The following NFX1 variants were observed in gnomAD, a reference collection of about 807,000 sequenced individuals.
The protein encoded by NFX1 is nuclear transcription factor, X-box binding 1.
NFX1 carries 69 observed loss-of-function variants against 137.2 expected under a neutral mutation model. That is an observed-to-expected ratio of 0.50 (90% CI 0.41 to 0.61). NFX1 has a LOEUF of 0.61. Ranked by LOEUF, NFX1 falls within the 20% of genes least tolerant of loss-of-function variation. The probability of loss-of-function intolerance (pLI) is 0.00; values close to 1 mark genes in which losing one functional copy is unlikely to be tolerated. For missense variants in NFX1, 1,167 were observed against 1,391.0 expected (o/e 0.84, Z 2.56); for synonymous variants, 495 against 474.1 (o/e 1.04, Z -0.57).
In NFX1 at chr9:33,344,200, C is replaced by T. The variant is rs745970544; in HGVS notation, c.2344+12C>T. On this transcript the variant is annotated intron_variant, in intron 14 of 23. Transcript: ENST00000379540. ...GTGTGACCATCCAGGTGAGTACCAA[C>T]TTGTCTTCACACTTCAGCCTGCTCA... 43 of 1,613,326 alleles carry T rather than the reference C, an allele frequency of 2.7e-5. No homozygotes were observed. In the South Asian group the frequency reaches 4.7e-4, roughly 18 times the overall value.
chr9:33,326,477 A>G (rs560744472), intron 9 of NFX1, among the ~76,000 whole-genome samples: 2 of 151,338 alleles, frequency 1.3e-5, no homozygotes, highest in Admixed American at 1.3e-4. Context: ...CCAGCTACTC[A>G]GGAGGCTGAG....
chr9:33,326,723 A>G (rs1205259049), intron 9 of NFX1, among the ~76,000 whole-genome samples: 2 of 152,194 alleles, frequency 1.3e-5, no homozygotes, highest in Non-Finnish European at 2.9e-5. Context: ...CTGTCTCCAA[A>G]AATTAATAAA....
intron 4 of NFX1, among the ~76,000 whole-genome samples, chr9:33,305,238 G>C (rs1821711190): frequency 6.6e-6 from 1 of 152,236 alleles, no homozygotes; most frequent in Non-Finnish European, 1.5e-5. Flanking sequence ...CTTTGGGGTA[G>C]TTACGACTTA....
chr9:33,315,446 C>G (rs550060554), intron 7 of NFX1, among the ~76,000 whole-genome samples: 1 of 152,270 alleles, frequency 6.6e-6, no homozygotes, highest in African/African-American at 2.4e-5. Context: ...AATATACTCT[C>G]TCCTTCGTCT....
intron 4 of NFX1, among the ~76,000 whole-genome samples, chr9:33,304,896 G>T (rs1425464414): frequency 6.6e-6 from 1 of 152,122 alleles, no homozygotes; most frequent in Non-Finnish European, 1.5e-5. Flanking sequence ...GTACCACAAT[G>T]GAATTAAAAA....
intron 11 of NFX1, among the ~76,000 whole-genome samples, chr9:33,333,650 G>A (rs114863466): frequency 0.021 from 3,204 of 152,250 alleles, 130 homozygotes; most frequent in African/African-American, 0.073. Context: ...AATTACCATG[G>A]TGGGTAAAGG....
intron 19 of NFX1, among the ~76,000 whole-genome samples, chr9:33,356,574 C>T (rs967484656): frequency 6.6e-6 from 1 of 152,012 alleles, no homozygotes; most frequent in Non-Finnish European, 1.5e-5. Context: ...AAAAATTTGT[C>T]TATCCTGAGG....
chr9:33,312,687 A>G (rs746694318), intron 6 of NFX1, among the ~76,000 whole-genome samples: 3 of 152,202 alleles, frequency 2.0e-5, no homozygotes, highest in African/African-American at 7.2e-5. Flanking sequence ...GTGGGCCAAC[A>G]TGGTGAAACC....
At position 33,344,196 on chromosome 9, in the gene NFX1, C is replaced by T. The variant is rs147861913; in HGVS notation, c.2344+8C>T. 5 of 1,613,588 alleles carry T rather than the reference C, an allele frequency of 3.1e-6. No individual in the cohort carries two copies. In the African/African-American group the frequency reaches 4.0e-5, roughly 13 times the overall value. ...ATGAGTGTGACCATCCAGGTGAGTACCAACTTGTCTTCACACTTCAGCCTG... is the reference window on the plus strand; with the variant it reads ...ATGAGTGTGACCATCCAGGTGAGTATCAACTTGTCTTCACACTTCAGCCTG... On this transcript the variant is annotated splice_region_variant and intron_variant, in intron 14 of 23. Transcript: ENST00000379540.
intron 17 of NFX1, among the ~76,000 whole-genome samples, chr9:33,353,478 T>C (rs1823712772): frequency 6.6e-6 from 1 of 152,058 alleles, no homozygotes; most frequent in Non-Finnish European, 1.5e-5. Flanking sequence ...TATAGGACTT[T>C]AAGAGGATGC....
At chr9:33,298,776 C>A (rs1248535647) in intron 2 of NFX1, among the ~76,000 whole-genome samples, 1 of 151,504 alleles carries the variant, frequency 6.6e-6, no homozygotes, top group Non-Finnish European at 1.5e-5. Flanking sequence ...AGAATAAGAA[C>A]CTGTCTCAAA....
intron 9 of NFX1, among the ~76,000 whole-genome samples, chr9:33,323,586 C>T (rs1191143891): frequency 6.6e-6 from 1 of 151,948 alleles, no homozygotes; most frequent in Non-Finnish European, 1.5e-5. Flanking sequence ...AACCCCATCT[C>T]TACTAAAAAT....
chr9:33,305,094 G>A (rs1821705319), intron 4 of NFX1, among the ~76,000 whole-genome samples: 1 of 152,206 alleles, frequency 6.6e-6, no homozygotes, highest in Admixed American at 6.5e-5. Context: ...TTTTTATTGA[G>A]AACTTATTAA....
At chr9:33,352,598 A>G (rs1262232642) in intron 16 of NFX1, 48 bp from the exon 17 acceptor site, 1 of 1,498,626 alleles carries the variant, frequency 6.7e-7, no homozygotes. Context: ...TGCTTTATTC[A>G]CATAGTTCCA....
chr9:33,336,229 T>C (rs1456435589), intron 11 of NFX1, among the ~76,000 whole-genome samples: 1 of 152,206 alleles, frequency 6.6e-6, no homozygotes, highest in African/African-American at 2.4e-5. Context: ...GGTTTTTGTT[T>C]TTTTGAGATG....
At chr9:33,328,387 C>G (rs1351219992) in intron 9 of NFX1, among the ~76,000 whole-genome samples, 194 bp from the exon 10 acceptor site, 2 of 152,046 alleles carry the variant, frequency 1.3e-5, no homozygotes, top group Non-Finnish European at 2.9e-5. Flanking sequence ...AAGCTGGGCC[C>G]TGAAGTTGTC....
intron 12 of NFX1, among the ~76,000 whole-genome samples, chr9:33,339,273 G>A (rs1412495274): frequency 6.6e-6 from 1 of 152,102 alleles, no homozygotes; most frequent in Non-Finnish European, 1.5e-5. Flanking sequence ...CAAGTCGGTG[G>A]GGAGGCCTCA....
At chr9:33,302,798 T>A (rs561536034) in intron 3 of NFX1, among the ~76,000 whole-genome samples, 103 of 151,952 alleles carry the variant, frequency 6.8e-4, no homozygotes, top group African/African-American at 2.3e-3. Context: ...GCCTCCTGAG[T>A]AGCTGGGATT....
At chr9:33,303,450 C>G (rs926576054) in intron 4 of NFX1, among the ~76,000 whole-genome samples, 182 bp downstream of exon 4, 3 of 148,602 alleles carry the variant, frequency 2.0e-5, no homozygotes, top group Non-Finnish European at 4.4e-5. Flanking sequence ...GTGCTCCTGG[C>G]AAGCTGTTCT....
Sources: gnomAD v4.1 joint callset for allele counts (sites outside exome capture counted in the v4.1 genomes callset) on GRCh38, gnomAD v4.1.1 for gene constraint, MANE v1.5 for transcripts, NCBI Gene and HGNC (gene_info 2026-07-23, HGNC 2026-07-21) for gene names.